SPOCK3: variants seen among roughly 807,000 people sequenced by gnomAD.
SPOCK3 encodes the protein SPARC (osteonectin), cwcv and kazal like domains proteoglycan 3.
Under a neutral mutation model 56.6 loss-of-function variants are expected in SPOCK3, and 30 were observed. That is an observed-to-expected ratio of 0.53 (90% CI 0.40 to 0.72). SPOCK3 has a LOEUF of 0.72. SPOCK3 is among the 30% of genes least tolerant of loss of function. The pLI is 0.00. For synonymous variants in SPOCK3, 196 were observed against 183.3 expected (o/e 1.07, Z -0.56); for missense variants, 527 against 530.0 (o/e 0.99, Z 0.06).
At chr4:166,880,663 A>G (rs947102022) in intron 6 of SPOCK3, among the ~76,000 whole-genome samples, 1 of 152,176 alleles carries the variant, frequency 6.6e-6, no homozygotes, top group East Asian at 1.9e-4. Flanking sequence ...TTATCACCAT[A>G]ATCTTCTCAG....
chr4:166,919,047 G>A (rs1738200398), intron 4 of SPOCK3, among the ~76,000 whole-genome samples: 1 of 152,156 alleles, frequency 6.6e-6, no homozygotes, highest in Non-Finnish European at 1.5e-5. Flanking sequence ...CTGGCACCTT[G>A]ATTCTTGTAC....
chr4:166,897,804 CA>C (rs1735549129), intron 5 of SPOCK3, among the ~76,000 whole-genome samples: 1 of 152,186 alleles, frequency 6.6e-6, no homozygotes, highest in Non-Finnish European at 1.5e-5. Context: ...ACAAGTCTCA[CA>C]GACCATATTA....
intron 2 of SPOCK3, among the ~76,000 whole-genome samples, chr4:167,228,340 C>T (rs1197536636): frequency 6.6e-6 from 1 of 152,126 alleles, no homozygotes; most frequent in Non-Finnish European, 1.5e-5. Context: ...CACTTTTACA[C>T]TTAGTTACAC....
intron 4 of SPOCK3, among the ~76,000 whole-genome samples, chr4:166,954,823 A>C (rs1579789516): frequency 6.6e-6 from 1 of 151,986 alleles, no homozygotes; most frequent in Non-Finnish European, 1.5e-5. Context: ...TCCATCCCCC[A>C]CCCGCAGGTC....
chr4:167,091,032 G>A (rs1580261525), intron 2 of SPOCK3, among the ~76,000 whole-genome samples: 1 of 152,174 alleles, frequency 6.6e-6, no homozygotes, highest in East Asian at 1.9e-4. Context: ...TATTTTCATT[G>A]CTATGGCTAC....
chr4:166,914,940 T>C (rs1230172025), intron 4 of SPOCK3, among the ~76,000 whole-genome samples: 3 of 151,972 alleles, frequency 2.0e-5, no homozygotes, highest in Non-Finnish European at 4.4e-5. Flanking sequence ...GTTCATATTC[T>C]TTTTTTTATT....
At chr4:167,211,688 T>G (rs909822270) in intron 2 of SPOCK3, among the ~76,000 whole-genome samples, 5 of 152,226 alleles carry the variant, frequency 3.3e-5, no homozygotes, top group African/African-American at 4.8e-5. Flanking sequence ...GCCATGATTG[T>G]GAGGTCTCTC....
rs559934498 is a variant in SPOCK3 at position 166,943,665 on chromosome 4, T to C, written c.351-30922A>G. ...TATTTTGCTTACATGAGATATCATT[T>C]TGAAATGTTTCAGGGTATTACTTCA... On this transcript the variant is annotated intron_variant, in intron 4 of 10. Transcript: ENST00000357545. Among the ~76,000 whole-genome samples, 398 of 152,324 alleles carry C rather than the reference T, an allele frequency of 2.6e-3. 3 individuals are homozygous for C. Among genetic ancestry groups the C allele is most frequent in the Non-Finnish European group, 3.7e-3 (255 of 68,024 alleles).
At chr4:166,807,954 C>A (rs1259486858) in intron 6 of SPOCK3, among the ~76,000 whole-genome samples, 1 of 151,664 alleles carries the variant, frequency 6.6e-6, no homozygotes, top group Non-Finnish European at 1.5e-5. Flanking sequence ...TAATTAGGGA[C>A]CATTTTATCT....
intron 6 of SPOCK3, among the ~76,000 whole-genome samples, chr4:166,885,485 C>T (rs1487755046): frequency 1.3e-5 from 2 of 151,980 alleles, no homozygotes; most frequent in Non-Finnish European, 2.9e-5. Flanking sequence ...TGGCAATGAC[C>T]GATTTGCACT....
chr4:166,736,210 T>C (rs1734204420), intron 10 of SPOCK3, among the ~76,000 whole-genome samples: 1 of 152,126 alleles, frequency 6.6e-6, no homozygotes, highest in Admixed American at 6.6e-5. Context: ...AGTTATAAAA[T>C]GTAAAGAAAA....
At chr4:166,844,081 A>G (rs555408889) in intron 6 of SPOCK3, among the ~76,000 whole-genome samples, 137 of 152,342 alleles carry the variant, frequency 9.0e-4, no homozygotes, top group Non-Finnish European at 1.6e-3. Context: ...CGGCTGAGCC[A>G]GCCCAGACTG....
rs1226965918 is a variant in SPOCK3, at chr4:167,192,792, T to C, written c.189+41193A>G. ...GCTGCCTCCCGTAACTTTTGATACGTTGTGTTTCAATTTTCATTTGTTTCA... is the reference window on the plus strand; with the variant it reads ...GCTGCCTCCCGTAACTTTTGATACGCTGTGTTTCAATTTTCATTTGTTTCA... On this transcript the variant is annotated intron_variant, in intron 2 of 10. Transcript: ENST00000357545. Among the ~76,000 whole-genome samples the C allele has an allele frequency of 1.2e-4, 17 of 146,004 alleles. 1 individual carries two copies. The highest frequency in any genetic ancestry group is 3.0e-5 in the Non-Finnish European group (2 of 66,936).
At chr4:166,819,387 G>C (rs1344009336) in intron 6 of SPOCK3, among the ~76,000 whole-genome samples, 2 of 151,978 alleles carry the variant, frequency 1.3e-5, no homozygotes, top group African/African-American at 2.4e-5. Context: ...AGGAGGCAAA[G>C]GAAATAAACG....
At chr4:166,773,907 T>C (rs1739236205) in intron 7 of SPOCK3, among the ~76,000 whole-genome samples, 1 of 152,194 alleles carries the variant, frequency 6.6e-6, no homozygotes, top group Admixed American at 6.5e-5. Context: ...AACCACTCTT[T>C]TTTTCTCTTA....
chr4:167,202,144 TAA>T (rs1168010382), intron 2 of SPOCK3, among the ~76,000 whole-genome samples: 2 of 152,066 alleles, frequency 1.3e-5, no homozygotes, highest in Middle Eastern at 3.4e-3. Flanking sequence ...ACTCCAAATA[TAA>T]GTGTTTGGAT....
chr4:167,197,049 A>G (rs1733025052), intron 2 of SPOCK3, among the ~76,000 whole-genome samples: 1 of 152,212 alleles, frequency 6.6e-6, no homozygotes, highest in African/African-American at 2.4e-5. Flanking sequence ...ACTTAAGGGT[A>G]GAAGTTAATA....
chr4:167,144,146 T>C (rs1002582760), intron 2 of SPOCK3, among the ~76,000 whole-genome samples: 6 of 152,036 alleles, frequency 3.9e-5, no homozygotes, highest in Non-Finnish European at 8.8e-5. Context: ...TTTTGTTCTT[T>C]TCCTCTTCTC....
intron 4 of SPOCK3, among the ~76,000 whole-genome samples, chr4:166,914,939 CTTTT>C (rs950677984): frequency 6.6e-6 from 1 of 151,634 alleles, no homozygotes; most frequent in Admixed American, 6.6e-5. Flanking sequence ...TGTTCATATT[CTTTT>C]TTTTATTATT....
Sources: allele counts gnomAD v4.1 joint callset (sites outside exome capture counted in the v4.1 genomes callset), GRCh38; gene constraint gnomAD v4.1.1; transcripts MANE v1.5; gene names NCBI Gene and HGNC (gene_info 2026-07-23, HGNC 2026-07-21).